Variants in WASF1 observed in about 807,000 individuals in gnomAD.
The protein encoded by WASF1 is actin-binding protein WASF1.
A neutral mutation model predicts 50.5 loss-of-function variants in WASF1; 7 were observed. The observed-to-expected ratio is 0.14, with a 90% CI of 0.08 to 0.26. The LOEUF is 0.26. Ranked by LOEUF, WASF1 falls within the 10% of genes least tolerant of loss-of-function variation. WASF1 has a pLI of 1.00. For synonymous variants in WASF1, 205 were observed against 244.0 expected (o/e 0.84, Z 1.49); for missense variants, 470 against 694.7 (o/e 0.68, Z 3.64).
chr6:110,126,093 T>C (rs1774403362), intron 4 of WASF1, among the ~76,000 whole-genome samples: 2 of 152,206 alleles, frequency 1.3e-5, no homozygotes, highest in Non-Finnish European at 2.9e-5. Context: ...TCTTAACATG[T>C]ATTTTAATAT....
chr6:110,134,295 C>T (rs1256858137), intron 3 of WASF1, among the ~76,000 whole-genome samples: 1 of 152,044 alleles, frequency 6.6e-6, no homozygotes, highest in East Asian at 1.9e-4. Flanking sequence ...ATTATCGCAG[C>T]AATATTTGTT....
intron 4 of WASF1, among the ~76,000 whole-genome samples, chr6:110,117,134 A>G (rs1046140311): frequency 3.3e-5 from 5 of 152,204 alleles, no homozygotes; most frequent in Admixed American, 3.3e-4. Context: ...CCTTGCCAGC[A>G]AGGGAAAAAA....
At chr6:110,119,472 C>A (rs1229304762) in intron 4 of WASF1, among the ~76,000 whole-genome samples, 1 of 152,124 alleles carries the variant, frequency 6.6e-6, no homozygotes, top group African/African-American at 2.4e-5. Context: ...CACATACACC[C>A]TCCCAAGACT....
intron 4 of WASF1, among the ~76,000 whole-genome samples, chr6:110,116,269 TTTCCTAGCCAAGGGAAGCTG>T (rs1242458171): frequency 6.6e-6 from 1 of 152,172 alleles, no homozygotes; most frequent in Non-Finnish European, 1.5e-5. Flanking sequence ...GGGATTTCCC[TTTCCTAGCCAAGGGAAGCTG>T]TGACAGACTC....
At chr6:110,129,483 G>A (rs1216388581) in intron 3 of WASF1, among the ~76,000 whole-genome samples, 2 of 152,124 alleles carry the variant, frequency 1.3e-5, no homozygotes, top group African/African-American at 4.8e-5. Context: ...TGAGGAATGT[G>A]GTTGTGACAA....
chr6:110,178,180 A>G (rs1267297856), intron 2 of WASF1, among the ~76,000 whole-genome samples: 1 of 152,174 alleles, frequency 6.6e-6, no homozygotes, highest in Non-Finnish European at 1.5e-5. Flanking sequence ...GAAGGCAACG[A>G]TTAGTAATGA....
At chr6:110,150,232 C>G (rs778480688) in intron 3 of WASF1, among the ~76,000 whole-genome samples, 1 of 151,980 alleles carries the variant, frequency 6.6e-6, no homozygotes, top group Non-Finnish European at 1.5e-5. Context: ...GCTTCACCAC[C>G]CAGCAGCTTA....
chr6:110,165,273 T>C (rs1037965940), intron 2 of WASF1, among the ~76,000 whole-genome samples: 3 of 151,660 alleles, frequency 2.0e-5, no homozygotes, highest in Admixed American at 2.0e-4. Context: ...TATACATATG[T>C]GGGGTCAGAG....
At chr6:110,130,350 C>A (rs75549824) in intron 3 of WASF1, among the ~76,000 whole-genome samples, 3 of 152,100 alleles carry the variant, frequency 2.0e-5, no homozygotes, top group African/African-American at 7.2e-5. Flanking sequence ...TGCTTACCTC[C>A]CCAAGATAGG....
chr6:110,153,793 A>AG lies in WASF1; in HGVS notation c.-29+6841_-29+6842insC, dbSNP rs1296664514. On this transcript the variant is annotated intron_variant, in intron 3 of 10. Coordinates refer to ENST00000392589, the MANE Select transcript of WASF1 (RefSeq NM_003931.3). The stretch of plus-strand genomic sequence containing the variant: ...GACACAAGATCCTGCCTCAAAAAAG[A>AG]AAAAAAAAAAAGCCAACAATAGGAA... Among the ~76,000 whole-genome samples the AG allele has an allele frequency of 1.7e-4, 23 of 135,772 alleles. No homozygotes were observed. In the Admixed American group the frequency reaches 1.8e-3, roughly 11 times the overall value. 89.1% of individuals were successfully genotyped at this position (135,772 alleles called of 152,430 possible).
At chr6:110,129,525 C>G (rs558470469) in intron 3 of WASF1, among the ~76,000 whole-genome samples, 31 of 152,268 alleles carry the variant, frequency 2.0e-4, no homozygotes, top group Admixed American at 1.8e-3. Context: ...GGAAGTGACA[C>G]TAGCAAAAAA....
chr6:110,122,708 T>C (rs902353129), intron 4 of WASF1, among the ~76,000 whole-genome samples: 1 of 152,190 alleles, frequency 6.6e-6, no homozygotes, highest in Non-Finnish European at 1.5e-5. Context: ...GCTTACCTTA[T>C]TGTAGGAATA....
chr6:110,123,047 G>A (rs1774210933), intron 4 of WASF1, among the ~76,000 whole-genome samples: 1 of 152,166 alleles, frequency 6.6e-6, no homozygotes, highest in African/African-American at 2.4e-5. Context: ...GAAATTACTT[G>A]CTTTATCTAT....
rs546341126 is a variant in WASF1 at position 110,116,121 on chromosome 6, A to C, written c.134-2661T>G. Among the ~76,000 whole-genome samples the C allele has an allele frequency of 4.6e-5, 7 of 152,316 alleles. 1 individual carries two copies. In the East Asian group the frequency reaches 1.4e-3, roughly 29 times the overall value. ...GCAGCTCCCAGCGAAACTGATGCAG[A>C]AGACGGGTGATTTCTGCATTTCCAA... On this transcript the variant is annotated intron_variant, in intron 4 of 10. Coordinates refer to ENST00000392589, the MANE Select transcript of WASF1 (RefSeq NM_003931.3).
At position 110,100,350 on chromosome 6, in the gene WASF1, A is replaced by T; in HGVS notation, c.*172T>A. On this transcript the variant is annotated 3_prime_UTR_variant, in exon 11 of 11. Coordinates refer to ENST00000392589, the MANE Select transcript of WASF1 (RefSeq NM_003931.3). The stretch of plus-strand genomic sequence containing the variant: ...AAAGATAAGCCACTGTAAAACATTT[A>T]GTTTGAAATGTATGCTAATATTTTC... 1.6e-6 allele frequency: 1 copy of T among 636,364 alleles called. No individual in the cohort carries two copies. Among genetic ancestry groups the T allele is most frequent in the Non-Finnish European group, 2.5e-6 (1 of 401,108 alleles). 39.4% of individuals were successfully genotyped at this position (636,364 alleles called of 1,614,324 possible). A position where few individuals can be genotyped will look rare whatever the true frequency, so the allele number is the denominator to read the frequency against.
intron 2 of WASF1, among the ~76,000 whole-genome samples, chr6:110,170,891 GACCTAATGATTCTTAATGTATATGC>G: frequency 6.6e-6 from 1 of 152,174 alleles, no homozygotes; most frequent in East Asian, 1.9e-4. Context: ...AATTCTCCAA[GACCTAATGATTCTTAATGTATATGC>G]ACCTAACAGA....
intron 4 of WASF1, among the ~76,000 whole-genome samples, chr6:110,114,504 C>A (rs1773705784): frequency 6.6e-6 from 1 of 152,122 alleles, no homozygotes; most frequent in East Asian, 1.9e-4. Context: ...ACCTTTTAAT[C>A]TTGTATCAAA....
chr6:110,112,403 C>T (rs1015743246), intron 5 of WASF1, among the ~76,000 whole-genome samples: 3 of 152,022 alleles, frequency 2.0e-5, no homozygotes, highest in African/African-American at 7.2e-5. Flanking sequence ...TGTATTCTAT[C>T]AAGGCATAAA....
intron 3 of WASF1, among the ~76,000 whole-genome samples, chr6:110,151,623 A>G (rs1412749614): frequency 1.3e-5 from 2 of 152,010 alleles, no homozygotes; most frequent in East Asian, 3.8e-4. Context: ...ATTTTTAAAT[A>G]CTACTTTATA....
Sources: gnomAD v4.1 joint callset for allele counts (sites outside exome capture counted in the v4.1 genomes callset) on GRCh38, gnomAD v4.1.1 for gene constraint, MANE v1.5 for transcripts, NCBI Gene and HGNC (gene_info 2026-07-23, HGNC 2026-07-21) for gene names.